The following MAP2 variants were observed in gnomAD, a reference collection of about 807,000 sequenced individuals.
MAP2 encodes the protein microtubule-associated protein 2.
Under a neutral mutation model 137.6 loss-of-function variants are expected in MAP2, and 14 were observed. The ratio of observed to expected loss-of-function variants is 0.10; its 90% CI spans 0.07 to 0.16. MAP2 has a LOEUF of 0.16. Ranked by LOEUF, MAP2 falls within the 10% of genes least tolerant of loss-of-function variation. The probability of loss-of-function intolerance (pLI) is 1.00; values close to 1 mark genes in which losing one functional copy is unlikely to be tolerated. For missense variants in MAP2, 2,088 were observed against 2,191.5 expected (o/e 0.95, Z 0.94); for synonymous variants, 786 against 782.3 (o/e 1.00, Z -0.08).
intron 2 of MAP2, among the ~76,000 whole-genome samples, chr2:209,523,975 C>A (rs894819122): frequency 1.3e-5 from 2 of 152,088 alleles, no homozygotes; most frequent in African/African-American, 4.8e-5. Context: ...TGTTTGCCTG[C>A]TCACTGATGA....
intron 13 of MAP2, among the ~76,000 whole-genome samples, chr2:209,713,931 G>A (rs924767861): frequency 5.9e-5 from 9 of 152,274 alleles, no homozygotes; most frequent in African/African-American, 1.7e-4. Flanking sequence ...GCTCATGCCT[G>A]TAATCCCAGC....
intron 1 of MAP2, among the ~76,000 whole-genome samples, chr2:209,435,957 A>T (rs28472776): frequency 0.53 from 68,135 of 129,526 alleles, 21,309 homozygotes; most frequent in African/African-American, 0.79. Flanking sequence ...CTATATATAC[A>T]GTATATATTA....
intron 2 of MAP2, among the ~76,000 whole-genome samples, chr2:209,555,556 T>C (rs887935426): frequency 2.0e-5 from 3 of 152,204 alleles, no homozygotes; most frequent in African/African-American, 7.2e-5. Context: ...AAGTTCTAGT[T>C]TTTTAGTAAT....
At chr2:209,548,972 A>G (rs2068629337) in intron 2 of MAP2, among the ~76,000 whole-genome samples, 1 of 152,166 alleles carries the variant, frequency 6.6e-6, no homozygotes, top group Non-Finnish European at 1.5e-5. Context: ...CAGTGTAAGA[A>G]TGAACTAGTA....
intron 1 of MAP2, among the ~76,000 whole-genome samples, chr2:209,451,667 C>G (rs1439193120): frequency 6.6e-6 from 1 of 152,206 alleles, no homozygotes; most frequent in Non-Finnish European, 1.5e-5. Context: ...GAGCCTGACA[C>G]ATACACATAC....
chr2:209,654,895 A>G (rs1279072946), intron 5 of MAP2, among the ~76,000 whole-genome samples: 1 of 152,242 alleles, frequency 6.6e-6, no homozygotes. Flanking sequence ...TCCTCTTCAC[A>G]TTAATGATGA....
At chr2:209,498,738 G>C (rs1280079572) in intron 1 of MAP2, among the ~76,000 whole-genome samples, 1 of 152,176 alleles carries the variant, frequency 6.6e-6, no homozygotes, top group Non-Finnish European at 1.5e-5. Flanking sequence ...ACAGTGTCTG[G>C]GGTCCTTTGA....
chr2:209,572,621 T>A (rs2074581385), intron 2 of MAP2, among the ~76,000 whole-genome samples: 1 of 152,150 alleles, frequency 6.6e-6, no homozygotes, highest in African/African-American at 2.4e-5. Flanking sequence ...GTCCATTTTT[T>A]AATCATAACA....
intron 2 of MAP2, among the ~76,000 whole-genome samples, chr2:209,518,052 G>T (rs1359172632): frequency 6.6e-6 from 1 of 151,956 alleles, no homozygotes; most frequent in Non-Finnish European, 1.5e-5. Flanking sequence ...ATCATTCTCT[G>T]TACTTTCAGA....
Position 209,695,796 on chromosome 2 carries a change from A to G in MAP2, c.3626A>G (p.Asp1209Gly), listed in dbSNP as rs565324625. ...AAAGAAGAAAGCAAAGAGACCCCAG[A>G]TATATCCATCACGCCTTCTGATGTT... ...GPKEESKETPDISITPSDVAE... is the reference protein window; with the variant it reads ...GPKEESKETPGISITPSDVAE... Residue 1209 changes from aspartate (D) to glycine (G), a missense_variant, in exon 8 of 16, where the codon GAT (aspartate) becomes GGT (glycine). Coordinates refer to ENST00000682079, the MANE Select transcript of MAP2 (RefSeq NM_001375505.1). 3.1e-5 allele frequency: 50 copies of G among 1,614,096 alleles called. No individual in the cohort carries two copies. Among genetic ancestry groups the G allele is most frequent in the Admixed American group, 1.7e-4 (10 of 60,022 alleles).
intron 1 of MAP2, among the ~76,000 whole-genome samples, chr2:209,503,303 A>T (rs1023572289): frequency 6.6e-6 from 1 of 152,014 alleles, no homozygotes; most frequent in Admixed American, 6.6e-5. Context: ...GCCCAGCCCT[A>T]TATTTTGGAT....
rs2094924206 is a variant in MAP2 at position 209,653,249 on chromosome 2, C to A, written c.79C>A (p.His27Asn). ...GCTAACAGAGGCATCTGCACACTCA[C>A]ATCCACCTGAGATTAAGGATCAAGG... ...APLTEASAHS[H>N]PPEIKDQGGA... Residue 27 changes from histidine to asparagine, a missense_variant, in exon 5 of 16, where the codon CAT (histidine) becomes AAT (asparagine). Coordinates refer to ENST00000682079, the MANE Select transcript of MAP2 (RefSeq NM_001375505.1). 1 of 1,614,020 alleles carries A rather than the reference C, an allele frequency of 6.2e-7. No individual in the cohort carries two copies. Among genetic ancestry groups the A allele is most frequent in the African/African-American group, 1.3e-5 (1 of 74,930 alleles).
chr2:209,693,077 A>C lies in MAP2; in HGVS notation c.907A>C (p.Lys303Gln). The change falls in exon 8 of 16, where the codon AAA (lysine) becomes CAA (glutamine). Residue 303 changes from lysine (K) to glutamine (Q), a missense_variant. Lys to Gln is a moderately conservative substitution (Grantham distance 53). Transcript: ENST00000682079. ...AAAAGATGTATTTGATGATATCCCAAAATGGGAAGGGAAACAGTTTGATTC... is the reference window on the plus strand; with the variant it reads ...AAAAGATGTATTTGATGATATCCCACAATGGGAAGGGAAACAGTTTGATTC... The part of the protein sequence containing the change: ...REKDVFDDIP[K>Q]WEGKQFDSPM... 6.2e-7 allele frequency: 1 copy of C among 1,613,444 alleles called. No individual in the cohort carries two copies. Among genetic ancestry groups the C allele is most frequent in the Non-Finnish European group, 8.5e-7 (1 of 1,179,790 alleles).
intron 3 of MAP2, among the ~76,000 whole-genome samples, chr2:209,597,202 A>G (rs1027865936): frequency 2.0e-5 from 3 of 152,136 alleles, no homozygotes; most frequent in Non-Finnish European, 4.4e-5. Flanking sequence ...ATATATTTCT[A>G]TTTTGTTTAA....
intron 1 of MAP2, among the ~76,000 whole-genome samples, chr2:209,437,361 A>G (rs540474296): frequency 7.2e-5 from 11 of 151,788 alleles, no homozygotes; most frequent in African/African-American, 2.4e-4. Flanking sequence ...TAGAATTTAG[A>G]TATGTAAGCA....
intron 14 of MAP2, among the ~76,000 whole-genome samples, chr2:209,729,237 CAAGA>C (rs1387332305): frequency 6.6e-6 from 1 of 152,144 alleles, no homozygotes. Context: ...GGCATCCATA[CAAGA>C]AAGAGATGAT....
chr2:209,540,830 C>T (rs2153241052), intron 2 of MAP2, among the ~76,000 whole-genome samples: 1 of 150,420 alleles, frequency 6.6e-6, no homozygotes, highest in East Asian at 1.9e-4. Flanking sequence ...CCTCAATCTA[C>T]TGTATGCATT....
intron 4 of MAP2, among the ~76,000 whole-genome samples, chr2:209,640,758 C>G (rs2093957556): frequency 6.6e-6 from 1 of 152,042 alleles, no homozygotes; most frequent in East Asian, 1.9e-4. Flanking sequence ...TTATAATTCT[C>G]CAGGACTTTA....
intron 7 of MAP2, among the ~76,000 whole-genome samples, chr2:209,690,068 G>T (rs1420616150): frequency 2.6e-5 from 4 of 152,088 alleles, no homozygotes; most frequent in Non-Finnish European, 4.4e-5. Flanking sequence ...TTGAAGCAAG[G>T]CTTTTTTTAT....
Sources: gnomAD v4.1 joint callset for allele counts (sites outside exome capture counted in the v4.1 genomes callset) on GRCh38, gnomAD v4.1.1 for gene constraint, MANE v1.5 for transcripts, NCBI Gene and HGNC (gene_info 2026-07-23, HGNC 2026-07-21) for gene names.